Variants in RTN1 observed in about 807,000 individuals in gnomAD.
The protein encoded by RTN1 is reticulon 1, also known as reticulon-1.
A neutral mutation model predicts 65.5 loss-of-function variants in RTN1; 25 were observed. The observed-to-expected ratio is 0.38, with a 90% CI of 0.28 to 0.53. The LOEUF is 0.53. Among genes scored for constraint, RTN1 ranks in the 20% least tolerant of loss-of-function variants. The pLI, the probability that RTN1 is intolerant of heterozygous loss-of-function variation, is 0.79. For synonymous variants in RTN1, 471 were observed against 447.6 expected (o/e 1.05, Z -0.66); for missense variants, 983 against 1,025.4 (o/e 0.96, Z 0.57).
intron 3 of RTN1, among the ~76,000 whole-genome samples, chr14:59,662,552 G>C (rs1029103752): frequency 1.6e-4 from 25 of 152,098 alleles, no homozygotes; most frequent in African/African-American, 5.8e-4. Flanking sequence ...TCTTAATCTA[G>C]TCTATCATTG....
intron 1 of RTN1, among the ~76,000 whole-genome samples, chr14:59,806,516 G>A (rs1886641592): frequency 6.6e-6 from 1 of 151,922 alleles, no homozygotes; most frequent in Non-Finnish European, 1.5e-5. Flanking sequence ...TTGTTATATA[G>A]GTAAACTTGT....
chr14:59,674,536 GC>G (rs761880244), intron 3 of RTN1, among the ~76,000 whole-genome samples: 1 of 152,272 alleles, frequency 6.6e-6, no homozygotes, highest in Non-Finnish European at 1.5e-5. Flanking sequence ...AAATTGCCAG[GC>G]TCTAAAAATG....
chr14:59,672,626 T>C lies in RTN1; in HGVS notation c.1765+54293A>G, dbSNP rs1040828881. Reference sequence around the variant, plus strand: ...TGAATGAATGAATACAAGATATTTCTTTTTTTTTTTTTTTTTTTTTTTTTT... The same window carrying C: ...TGAATGAATGAATACAAGATATTTCCTTTTTTTTTTTTTTTTTTTTTTTTT... On this transcript the variant is annotated intron_variant, in intron 3 of 8. Transcript: ENST00000267484. Among the ~76,000 whole-genome samples the C allele has an allele frequency of 6.2e-4, 30 of 48,080 alleles. No homozygotes were observed. In the South Asian group the frequency reaches 0.029, roughly 47 times the overall value. 31.5% of individuals were successfully genotyped at this position (48,080 alleles called of 152,430 possible).
Position 59,700,067 on chromosome 14 carries a change from A to G in RTN1, c.1765+26852T>C, listed in dbSNP as rs577572342. On this transcript the variant is annotated intron_variant, in intron 3 of 8. Transcript: ENST00000267484. Reference sequence around the variant, plus strand: ...TAGCACAAAATAAGCCAAAGAAAATATGTGAGAAAATGAATATGGCTTCAT... The same window carrying G: ...TAGCACAAAATAAGCCAAAGAAAATGTGTGAGAAAATGAATATGGCTTCAT... 2.6e-5 allele frequency among the ~76,000 whole-genome samples: 4 copies of G among 152,280 alleles called. No individual in the cohort carries two copies. In the South Asian group the frequency reaches 8.3e-4, roughly 32 times the overall value.
At chr14:59,624,105 G>C (rs940949420) in intron 3 of RTN1, among the ~76,000 whole-genome samples, 3 of 152,160 alleles carry the variant, frequency 2.0e-5, no homozygotes, top group Admixed American at 1.3e-4. Flanking sequence ...GAGTAATGCT[G>C]AGATTATGTT....
At chr14:59,708,038 G>A (rs139305428) in intron 3 of RTN1, among the ~76,000 whole-genome samples, 221 of 152,274 alleles carry the variant, frequency 1.5e-3, no homozygotes, top group African/African-American at 5.0e-3. Flanking sequence ...GTATGTTAAC[G>A]CTGTTTATAG....
At chr14:59,781,259 C>G (rs140837742) in intron 1 of RTN1, among the ~76,000 whole-genome samples, 160 of 152,014 alleles carry the variant, frequency 1.1e-3, no homozygotes, top group African/African-American at 3.5e-3. Context: ...CAGAGCAACA[C>G]CTCTTGGGCC....
chr14:59,752,706 T>C (rs773149588), intron 1 of RTN1, among the ~76,000 whole-genome samples: 2 of 152,192 alleles, frequency 1.3e-5, no homozygotes, highest in Non-Finnish European at 2.9e-5. Flanking sequence ...ATATTGCACA[T>C]AGTAAGCATC....
chr14:59,750,178 A>ATC (rs2139523470), intron 1 of RTN1, among the ~76,000 whole-genome samples: 4 of 65,298 alleles, frequency 6.1e-5, no homozygotes, highest in African/African-American at 2.4e-4. Context: ...TATCTATAAT[A>ATC]TATAATACAT....
chr14:59,678,870 G>C (rs1287544290), intron 3 of RTN1, among the ~76,000 whole-genome samples: 6 of 152,236 alleles, frequency 3.9e-5, no homozygotes, highest in Non-Finnish European at 5.9e-5. Context: ...TACTTAGTCA[G>C]AATGGGAAGC....
At chr14:59,807,644 G>A (rs979946619) in intron 1 of RTN1, among the ~76,000 whole-genome samples, 41 of 152,206 alleles carry the variant, frequency 2.7e-4, no homozygotes, top group African/African-American at 9.9e-4. Context: ...GAGTAACCCT[G>A]AGTCATAAGA....
Position 59,862,500 on chromosome 14 carries a change from C to T in RTN1, c.241+7890G>A, listed in dbSNP as rs188861226. Among the ~76,000 whole-genome samples, 83 of 152,276 alleles carry T rather than the reference C, an allele frequency of 5.5e-4. 1 individual carries two copies. Among genetic ancestry groups the T allele is most frequent in the Admixed American group, 5.4e-3 (82 of 15,296 alleles). ...ACCAAATCATCATCTCTTATCCTTTCATCTCCCTTACTCTAGTACCATTAC... is the reference window on the plus strand; with the variant it reads ...ACCAAATCATCATCTCTTATCCTTTTATCTCCCTTACTCTAGTACCATTAC... On this transcript the variant is annotated intron_variant, in intron 1 of 8. Transcript: ENST00000267484.
At position 59,638,936 on chromosome 14, in the gene RTN1, T is replaced by C. The variant is rs143794759; in HGVS notation, c.1766-31444A>G. 9.8e-5 allele frequency among the ~76,000 whole-genome samples: 15 copies of C among 152,380 alleles called. No homozygotes were observed. The East Asian group carries it at 2.3e-3, about 23-fold the overall frequency. On this transcript the variant is annotated intron_variant, in intron 3 of 8. Coordinates refer to ENST00000267484, the MANE Select transcript of RTN1 (RefSeq NM_021136.3). ...TTGGATAACTGTTTGGCCTTGCTTT[T>C]GGCCTATCTTAGCTTTCAACATGCT...
intron 3 of RTN1, among the ~76,000 whole-genome samples, chr14:59,690,489 T>A (rs537378682): frequency 6.6e-6 from 1 of 152,080 alleles, no homozygotes; most frequent in South Asian, 2.1e-4. Context: ...GCCACATAAA[T>A]AATAGTAAGG....
intron 2 of RTN1, among the ~76,000 whole-genome samples, chr14:59,735,436 A>G (rs894257634): frequency 6.6e-6 from 1 of 152,202 alleles, no homozygotes; most frequent in Non-Finnish European, 1.5e-5. Flanking sequence ...AAAAGACACA[A>G]AGTGGCAGGC....
intron 3 of RTN1, among the ~76,000 whole-genome samples, chr14:59,674,622 G>T (rs1883583467): frequency 6.6e-6 from 1 of 152,132 alleles, no homozygotes; most frequent in African/African-American, 2.4e-5. Context: ...TTCAAAGAAA[G>T]AAACCAAACA....
chr14:59,751,797 C>T (rs970071238), intron 1 of RTN1, among the ~76,000 whole-genome samples: 1 of 152,200 alleles, frequency 6.6e-6, no homozygotes, highest in African/African-American at 2.4e-5. Context: ...TCTCACTAAA[C>T]ACAAGTGTCA....
rs141766486 is a variant in RTN1, at chr14:59,710,977, G to T, written c.1765+15942C>A. On this transcript the variant is annotated intron_variant, in intron 3 of 8. Transcript: ENST00000267484. ...TAGGAAATATTCATTACATTTTATA[G>T]ATGAGGCTTGGGAGGTTTCAGGGAG... Among the ~76,000 whole-genome samples, 96 of 152,268 alleles carry T rather than the reference G, an allele frequency of 6.3e-4. 2 individuals are homozygous for T. In the East Asian group the frequency reaches 0.017, roughly 27 times the overall value.
intron 1 of RTN1, among the ~76,000 whole-genome samples, chr14:59,861,018 T>C (rs1429767884): frequency 2.6e-5 from 4 of 152,152 alleles, no homozygotes; most frequent in African/African-American, 9.7e-5. Flanking sequence ...GACTATAAAA[T>C]TTTGAGTTAA....
Sources: allele counts gnomAD v4.1 joint callset (sites outside exome capture counted in the v4.1 genomes callset), GRCh38; gene constraint gnomAD v4.1.1; transcripts MANE v1.5; gene names NCBI Gene and HGNC (gene_info 2026-07-23, HGNC 2026-07-21).